The following RNF220 variants were observed in gnomAD, a reference collection of about 807,000 sequenced individuals.
RNF220 encodes ring finger protein 220.
A neutral mutation model predicts 67.1 loss-of-function variants in RNF220; 7 were observed. The observed-to-expected ratio is 0.10, with a 90% CI of 0.06 to 0.20. RNF220 has a LOEUF of 0.20. Ranked by LOEUF, RNF220 falls within the 10% of genes least tolerant of loss-of-function variation. The pLI is 1.00. For missense variants in RNF220, 565 were observed against 740.3 expected (o/e 0.76, Z 2.75); for synonymous variants, 270 against 283.2 (o/e 0.95, Z 0.47).
intron 2 of RNF220, among the ~76,000 whole-genome samples, chr1:44,508,539 C>G (rs1379702346): frequency 6.6e-6 from 1 of 152,210 alleles, no homozygotes; most frequent in Admixed American, 6.5e-5. Flanking sequence ...AGGGACTCTG[C>G]TGTAGGTGGC....
intron 2 of RNF220, among the ~76,000 whole-genome samples, chr1:44,497,789 T>C (rs1402874289): frequency 6.6e-6 from 1 of 152,220 alleles, no homozygotes; most frequent in Non-Finnish European, 1.5e-5. Context: ...GCACCTACTA[T>C]ACTGCTGCAA....
chr1:44,430,693 T>C (rs533737367), intron 2 of RNF220, among the ~76,000 whole-genome samples: 198 of 152,248 alleles, frequency 1.3e-3, no homozygotes, highest in African/African-American at 4.5e-3. Context: ...TATAGGCGCC[T>C]GCCACCACAC....
At chr1:44,472,949 A>G (rs924810353) in intron 2 of RNF220, among the ~76,000 whole-genome samples, 5 of 151,972 alleles carry the variant, frequency 3.3e-5, no homozygotes, top group African/African-American at 1.2e-4. Flanking sequence ...ACTTTGCCCT[A>G]ACTAGGTCAC....
rs533822471 is a variant in RNF220, at chr1:44,632,488, G to A, written c.949+103G>A. Reference sequence around the variant, plus strand: ...TTGCCTGGGTCTCTTCGACTCTGGGGCCCGTTGGCTTCTTCGCAGTCACGG... The same window carrying A: ...TTGCCTGGGTCTCTTCGACTCTGGGACCCGTTGGCTTCTTCGCAGTCACGG... On this transcript the variant is annotated intron_variant, in intron 6 of 14. Transcript: ENST00000361799. 111 of 1,179,992 alleles carry A rather than the reference G, an allele frequency of 9.4e-5. No individual in the cohort carries two copies. In the South Asian group the frequency reaches 1.4e-3, roughly 15 times the overall value. 73.1% of individuals were successfully genotyped at this position (1,179,992 alleles called of 1,614,324 possible).
chr1:44,405,410 G>GCCGCCGCCGCTGCCT lies in RNF220; in HGVS notation c.-231_-217dup. 1 of 633,776 alleles carries GCCGCCGCCGCTGCCT rather than the reference G, an allele frequency of 1.6e-6. No homozygotes were observed. Among genetic ancestry groups the GCCGCCGCCGCTGCCT allele is most frequent in the Non-Finnish European group, 2.8e-6 (1 of 351,144 alleles). The allele number at this position is 633,776 out of a possible 1,614,324, so 39.3% of individuals were successfully genotyped here. A position where few individuals can be genotyped will look rare whatever the true frequency, so the allele number is the denominator to read the frequency against. Reference sequence around the variant, plus strand: ...TGCTGCTGCTGCCGCTGCCGCCGCCGCCGCCGCCGCTGCCTCCGCCGGCTC... The same window carrying GCCGCCGCCGCTGCCT: ...TGCTGCTGCTGCCGCTGCCGCCGCCGCCGCCGCCGCTGCCTCCGCCGCCGCTGCCTCCGCCGGCTC... On this transcript the variant is annotated 5_prime_UTR_variant, in exon 1 of 15. Coordinates refer to ENST00000361799, the MANE Select transcript of RNF220 (RefSeq NM_018150.4).
chr1:44,524,724 G>T (rs1660227905), intron 2 of RNF220, among the ~76,000 whole-genome samples: 1 of 151,954 alleles, frequency 6.6e-6, no homozygotes, highest in African/African-American at 2.4e-5. Context: ...GGACCTAAAC[G>T]CTGAATGTTC....
chr1:44,614,954 A>T (rs937087503), intron 3 of RNF220, among the ~76,000 whole-genome samples: 5 of 152,236 alleles, frequency 3.3e-5, no homozygotes, highest in Non-Finnish European at 5.9e-5. Context: ...TCAGGAATTC[A>T]GATAAGGCAC....
chr1:44,632,425 C>T, intron 6 of RNF220, 40 bp downstream of exon 6: 1 of 1,518,816 alleles, frequency 6.6e-7, no homozygotes, highest in Non-Finnish European at 8.9e-7. Flanking sequence ...CCACCCCCGG[C>T]CTCCTCCCTC....
chr1:44,508,539 C>T (rs1379702346), intron 2 of RNF220, among the ~76,000 whole-genome samples: 1 of 152,210 alleles, frequency 6.6e-6, no homozygotes. Context: ...AGGGACTCTG[C>T]TGTAGGTGGC....
chr1:44,510,555 G>A (rs2148122844), intron 2 of RNF220, among the ~76,000 whole-genome samples: 1 of 152,236 alleles, frequency 6.6e-6, no homozygotes, highest in African/African-American at 2.4e-5. Flanking sequence ...CACCCTCCCT[G>A]ACTCTTACCC....
intron 2 of RNF220, among the ~76,000 whole-genome samples, chr1:44,512,879 C>T (rs1312886126): frequency 6.6e-6 from 1 of 152,066 alleles, no homozygotes; most frequent in African/African-American, 2.4e-5. Flanking sequence ...CTCGGTGGCT[C>T]CTGGAGCAGC....
intron 2 of RNF220, among the ~76,000 whole-genome samples, chr1:44,502,111 T>G (rs1657964188): frequency 7.0e-6 from 1 of 142,332 alleles, no homozygotes. Flanking sequence ...TTTGTAAGGC[T>G]CCTGGCTGCA....
chr1:44,511,253 A>G (rs1658967823), intron 2 of RNF220, among the ~76,000 whole-genome samples: 1 of 152,236 alleles, frequency 6.6e-6, no homozygotes, highest in African/African-American at 2.4e-5. Context: ...TCTACAAGAT[A>G]AAGGGATTGG....
chr1:44,450,329 G>C (rs1423641982), intron 2 of RNF220, among the ~76,000 whole-genome samples: 1 of 151,350 alleles, frequency 6.6e-6, no homozygotes. Context: ...AATTGGTTTT[G>C]AAATGTATAG....
intron 2 of RNF220, among the ~76,000 whole-genome samples, chr1:44,420,988 A>G (rs1649149361): frequency 6.6e-6 from 1 of 152,194 alleles, no homozygotes; most frequent in South Asian, 2.1e-4. Flanking sequence ...TCACACACTC[A>G]TGCCTTATGG....
intron 2 of RNF220, among the ~76,000 whole-genome samples, chr1:44,569,525 G>T (rs779084832): frequency 6.6e-6 from 1 of 152,154 alleles, no homozygotes; most frequent in Non-Finnish European, 1.5e-5. Context: ...TTTACTAATT[G>T]AGCTATCCAA....
intron 2 of RNF220, among the ~76,000 whole-genome samples, chr1:44,474,205 T>C (rs1022926684): frequency 6.6e-6 from 1 of 151,758 alleles, no homozygotes; most frequent in Admixed American, 6.6e-5. Context: ...TGAAACCCCG[T>C]CTCTACTAAA....
At chr1:44,551,556 T>C (rs1248906840) in intron 2 of RNF220, among the ~76,000 whole-genome samples, 1 of 152,214 alleles carries the variant, frequency 6.6e-6, no homozygotes, top group Non-Finnish European at 1.5e-5. Flanking sequence ...TACGTATTGA[T>C]AGACTGCTTT....
rs1644613903 is a variant in RNF220 at position 44,645,481 on chromosome 1, A to G, written c.1438A>G (p.Ile480Val). 6.2e-7 allele frequency: 1 copy of G among 1,613,950 alleles called. No individual in the cohort carries two copies. The highest frequency in any genetic ancestry group is 8.5e-7 in the Non-Finnish European group (1 of 1,179,962). The change falls in exon 12 of 15, where the codon ATC (isoleucine) becomes GTC (valine). Residue 480 changes from isoleucine (I) to valine (V), a missense_variant. By Grantham distance (29) the Ile-to-Val change is conservative. Transcript: ENST00000361799. This position sits in a 1 kb window ranked among gnomAD's most constrained non-coding sequence, Gnocchi z 5.0. ...GCAGAAGACCTGCAAGAACAGCGAC[A>G]TCGAGAAGTAAGTGTTTGGCCAGGA... ...AMQKTCKNSD[I>V]EKITEDSAVT...
Sources: allele counts gnomAD v4.1 joint callset (sites outside exome capture counted in the v4.1 genomes callset), GRCh38; gene constraint gnomAD v4.1.1; non-coding constraint Gnocchi (gnomAD v3.1); transcripts MANE v1.5; gene names NCBI Gene and HGNC (gene_info 2026-07-23, HGNC 2026-07-21).